Variants in MCF2L observed in about 807,000 individuals in gnomAD.
MCF2L encodes guanine nucleotide exchange factor DBS.
In MCF2L, 97 loss-of-function variants were observed where a neutral mutation model predicts 153.4. The ratio of observed to expected loss-of-function variants is 0.63; its 90% CI spans 0.54 to 0.75. The LOEUF is 0.75. Among genes scored for constraint, MCF2L ranks in the 30% least tolerant of loss-of-function variants. The probability of loss-of-function intolerance (pLI) is 0.00; values close to 1 mark genes in which losing one functional copy is unlikely to be tolerated. For synonymous variants in MCF2L, 659 were observed against 632.2 expected (o/e 1.04, Z -0.64); for missense variants, 1,347 against 1,495.2 (o/e 0.90, Z 1.64).
chr13:113,073,915 CA>C (rs35586403), intron 9 of MCF2L, among the ~76,000 whole-genome samples: 45 of 144,742 alleles, frequency 3.1e-4, no homozygotes, highest in East Asian at 2.8e-3. Flanking sequence ...AACTCCGTCT[CA>C]AAAAAAAAAA....
intron 22 of MCF2L, 22 bp from the exon 23 acceptor site, chr13:113,087,685 C>T: frequency 1.3e-6 from 2 of 1,598,978 alleles, no homozygotes; most frequent in African/African-American, 2.7e-5. Context: ...ACGCGAACCC[C>T]ATCTCCACTC....
chr13:112,970,362 A>G (rs575257833), intron 1 of MCF2L, among the ~76,000 whole-genome samples: 84 of 152,314 alleles, frequency 5.5e-4, no homozygotes, highest in African/African-American at 2.0e-3. Flanking sequence ...AGAGTGAACC[A>G]GTGATTAAAT....
intron 2 of MCF2L, among the ~76,000 whole-genome samples, chr13:113,020,082 T>A (rs541896548): frequency 1.3e-5 from 2 of 152,344 alleles, no homozygotes; most frequent in East Asian, 3.9e-4. Flanking sequence ...AAGTAGTGTC[T>A]AGTTTCAGAA....
At chr13:112,935,205 C>T (rs1010274648) in intron 2 of MCF2L, among the ~76,000 whole-genome samples, 8 of 152,194 alleles carry the variant, frequency 5.3e-5, no homozygotes, top group Non-Finnish European at 7.3e-5. Flanking sequence ...CATACCCATA[C>T]GGCCATTCTG....
At chr13:113,006,548 G>A (rs908292101) in intron 1 of MCF2L, among the ~76,000 whole-genome samples, 16 of 152,186 alleles carry the variant, frequency 1.1e-4, no homozygotes, top group African/African-American at 3.9e-4. Context: ...GACCCCTCCT[G>A]CGGACAGGAG....
At chr13:112,987,734 A>C (rs907791683) in intron 1 of MCF2L, among the ~76,000 whole-genome samples, 1 of 152,186 alleles carries the variant, frequency 6.6e-6, no homozygotes, top group African/African-American at 2.4e-5. Flanking sequence ...ATCCCTGTCC[A>C]GGGCCTGGAA....
chr13:113,085,065 A>G, intron 19 of MCF2L, 21 bp from the exon 20 acceptor site: 3 of 1,613,392 alleles, frequency 1.9e-6, no homozygotes, highest in Non-Finnish European at 2.5e-6. Context: ...GTGCAAACCA[A>G]AGGCTCTGGG....
chr13:112,967,576 C>T (rs1028566097), upstream of MCF2L: 1 of 152,254 alleles, frequency 6.6e-6, no homozygotes, highest in African/African-American at 2.4e-5. Flanking sequence ...ATTTCCAGAT[C>T]TGTCTGGCCT....
chr13:112,913,044 G>A (rs2081251047), intron 2 of MCF2L, among the ~76,000 whole-genome samples: 1 of 147,596 alleles, frequency 6.8e-6, no homozygotes, highest in South Asian at 2.2e-4. Flanking sequence ...TTGTGTGTCT[G>A]TGGTGTATCT....
rs141493325 is a variant in MCF2L at position 113,074,514 on chromosome 13, A to G, written c.1067A>G (p.His356Arg). ...TFTDIGNSLA[H>R]VEHLLRDLAS... Reference sequence around the variant, plus strand: ...ACAGACATCGGCAACAGCCTGGCGCATGTGGAGCACCTGCTGAGGGACCTG... The same window carrying G: ...ACAGACATCGGCAACAGCCTGGCGCGTGTGGAGCACCTGCTGAGGGACCTG... Residue 356 changes from histidine (H) to arginine (R), a missense_variant, in exon 10 of 30, where the codon CAT becomes CGT. Around this residue, in one of 3 missense-constraint regions of MCF2L, gnomAD observed 820 missense variants for 921.2 expected, o/e 0.89. Transcript: ENST00000535094. This position sits in a 1 kb window ranked among gnomAD's most constrained non-coding sequence, Gnocchi z 4.2. 83 of 1,613,976 alleles carry G rather than the reference A, an allele frequency of 5.1e-5. No individual in the cohort carries two copies. Among genetic ancestry groups the G allele is most frequent in the Non-Finnish European group, 5.9e-5 (70 of 1,180,038 alleles).
chr13:112,988,492 C>A (rs2140955460), intron 1 of MCF2L, among the ~76,000 whole-genome samples: 1 of 152,192 alleles, frequency 6.6e-6, no homozygotes, highest in African/African-American at 2.4e-5. Context: ...ACGTTCTGTC[C>A]TGAGCAGGGG....
intron 2 of MCF2L, among the ~76,000 whole-genome samples, chr13:112,929,769 G>A (rs745358609): frequency 2.3e-4 from 35 of 152,208 alleles, no homozygotes; most frequent in Admixed American, 9.2e-4. Flanking sequence ...CTGCATGGTC[G>A]GGATGGCGGA....
rs186196156 is a variant in MCF2L, at chr13:112,994,967, G to A, written c.80-19796G>A. On this transcript the variant is annotated intron_variant, in intron 1 of 29. Coordinates refer to ENST00000535094, the MANE Select transcript of MCF2L (RefSeq NM_001112732.3). ...CCTGCGTCCGTGTGCACCGGGCTGCGGAGACTTCCCCAGGTTTGGCTCCAG... is the reference window on the plus strand; with the variant it reads ...CCTGCGTCCGTGTGCACCGGGCTGCAGAGACTTCCCCAGGTTTGGCTCCAG... 7.0e-4 allele frequency among the ~76,000 whole-genome samples: 107 copies of A among 152,322 alleles called. 1 individual carries two copies. Among genetic ancestry groups the A allele is most frequent in the Admixed American group, 5.7e-3 (87 of 15,306 alleles).
chr13:113,095,533 G>T, intron 27 of MCF2L: 5 of 1,030,478 alleles, frequency 4.9e-6, no homozygotes, highest in Non-Finnish European at 5.8e-6. Context: ...TGGCTACTCT[G>T]GGCACCACAG....
intron 2 of MCF2L, among the ~76,000 whole-genome samples, chr13:112,923,257 CTTTTTTTTTT>C (rs57030206): frequency 2.5e-5 from 2 of 78,448 alleles, no homozygotes; most frequent in African/African-American, 5.2e-5. Flanking sequence ...GTGTTTGCTT[CTTTTTTTTTT>C]TTTTTTTTTT....
At chr13:113,030,429 GC>G (rs2085600005) in intron 3 of MCF2L, among the ~76,000 whole-genome samples, 9 of 142,774 alleles carry the variant, frequency 6.3e-5, no homozygotes, top group African/African-American at 1.3e-4. Flanking sequence ...GTCCGCCGAC[GC>G]CCGGTGTGGA....
intron 2 of MCF2L, chr13:112,917,235 C>G: frequency 2.1e-6 from 1 of 467,058 alleles, no homozygotes; most frequent in African/African-American, 2.0e-5. Flanking sequence ...AGAGCCTCCA[C>G]CCGCATCCTA....
Position 112,993,051 on chromosome 13 carries a change from C to G in MCF2L, c.80-21712C>G. ...ATGGGCCATGGGGGTGAGGAGAGAGCGGCTCGCTGCCTTGAGAAGCTCCCG... is the reference window on the plus strand; with the variant it reads ...ATGGGCCATGGGGGTGAGGAGAGAGGGGCTCGCTGCCTTGAGAAGCTCCCG... On this transcript the variant is annotated intron_variant, in intron 1 of 29. Transcript: ENST00000535094. The surrounding 1 kb of genome is among the most constrained non-coding windows in gnomAD (Gnocchi z 4.6). Among the ~76,000 whole-genome samples, 1 of 152,214 alleles carries G rather than the reference C, an allele frequency of 6.6e-6. No individual in the cohort carries two copies. The highest frequency in any genetic ancestry group is 1.9e-4 in the East Asian group (1 of 5,196).
At chr13:113,011,593 C>T (rs1250005198) in intron 1 of MCF2L, among the ~76,000 whole-genome samples, 3 of 129,288 alleles carry the variant, frequency 2.3e-5, no homozygotes, top group Non-Finnish European at 3.2e-5. Context: ...GTGGTGTGGA[C>T]GGTGGACACT....
Sources: gnomAD v4.1 joint callset for allele counts (sites outside exome capture counted in the v4.1 genomes callset) on GRCh38, gnomAD v4.1.1 for gene constraint, gnomAD v4.1.1 regional missense constraint, Gnocchi (gnomAD v3.1) non-coding constraint, MANE v1.5 for transcripts, NCBI Gene and HGNC (gene_info 2026-07-23, HGNC 2026-07-21) for gene names.